Variants in GTPBP10 observed in about 807,000 individuals in gnomAD.
The protein encoded by GTPBP10 is GTP-binding protein 10.
Under a neutral mutation model 44.8 loss-of-function variants are expected in GTPBP10, and 38 were observed. The observed-to-expected ratio is 0.85, with a 90% CI of 0.65 to 1.11. The LOEUF (loss-of-function observed/expected upper bound fraction) is 1.11, where lower values mean the gene tolerates loss of function less well. Among genes scored for constraint, GTPBP10 ranks in the 50% most tolerant of loss-of-function variants. The probability of loss-of-function intolerance (pLI) is 0.00; values close to 1 mark genes in which losing one functional copy is unlikely to be tolerated. For synonymous variants in GTPBP10, 152 were observed against 150.6 expected, an observed-to-expected ratio of 1.01 and a Z score of -0.07; for missense variants, 462 against 453.7, an observed-to-expected ratio of 1.02 and a Z score of -0.17.
chr7:90,385,177 G>A lies in GTPBP10; in HGVS notation c.*23G>A, dbSNP rs373738415. The A allele has an allele frequency of 6.6e-7, 1 of 1,516,400 alleles. No individual in the cohort carries two copies. Among genetic ancestry groups the A allele is most frequent in the Non-Finnish European group, 9.0e-7 (1 of 1,112,696 alleles). The allele number at this position is 1,516,400 out of a possible 1,614,324, so 93.9% of individuals were successfully genotyped here. On this transcript the variant is annotated 3_prime_UTR_variant, in exon 10 of 10. Transcript: ENST00000222511. ...TAAATATATTAAAAATGGTATTGAT[G>A]GAACAGTATTTAATGCTTAAAAACA...
rs975043446 is a variant in GTPBP10, at chr7:90,388,637, G to C, written c.*3483G>C. 2.0e-5 allele frequency: 3 copies of C among 152,032 alleles called. No individual in the cohort carries two copies. The highest frequency in any genetic ancestry group is 2.0e-4 in the Admixed American group (3 of 15,250). The allele number at this position is 152,032 out of a possible 1,614,324, so 9.4% of individuals were successfully genotyped here. ...TATTAGTTACATAATCAGGAAAAAA[G>C]TCATCTTTTATAATGAGAAAAATTA... On this transcript the variant is annotated 3_prime_UTR_variant, in exon 10 of 10. Coordinates refer to ENST00000222511, the MANE Select transcript of GTPBP10 (RefSeq NM_033107.4).
rs143735578 is a variant in GTPBP10 at position 90,360,700 on chromosome 7, C to A, written c.464+5470C>A. Among the ~76,000 whole-genome samples the A allele has an allele frequency of 8.0e-4, 121 of 152,186 alleles. 2 individuals are homozygous for A. The East Asian group carries it at 0.017, about 21-fold the overall frequency. On this transcript the variant is annotated intron_variant, in intron 4 of 9. Transcript: ENST00000222511. The stretch of plus-strand genomic sequence containing the variant: ...GAAAGTCATTGGTAGCTTGATGGGG[C>A]TGGCATTGAATCTATAAATTACCTT...
chr7:90,382,855 A>G, intron 8 of GTPBP10, 101 bp from the exon 9 acceptor site: 1 of 660,702 alleles, frequency 1.5e-6, no homozygotes, highest in Non-Finnish European at 2.4e-6. Flanking sequence ...CATTTCGGTG[A>G]TGTGAATGGG....
intron 1 of GTPBP10, chr7:90,347,636 A>G (rs970640685): frequency 4.6e-6 from 1 of 216,940 alleles, no homozygotes; most frequent in Non-Finnish European, 7.9e-6. Context: ...TCCTTTACCT[A>G]CAAGAAGTTC....
chr7:90,348,182 C>G (rs1005278786), intron 1 of GTPBP10, among the ~76,000 whole-genome samples: 7 of 152,156 alleles, frequency 4.6e-5, no homozygotes, highest in Non-Finnish European at 8.8e-5. Flanking sequence ...AGTGCCACGG[C>G]ACTCGAGCCC....
chr7:90,360,087 G>A (rs552201654), intron 4 of GTPBP10, among the ~76,000 whole-genome samples: 1 of 152,108 alleles, frequency 6.6e-6, no homozygotes, highest in South Asian at 2.1e-4. Context: ...CATTCTGTAG[G>A]TTGCCTGTTC....
In GTPBP10 at chr7:90,390,650, T is replaced by C. The variant is rs773311974; in HGVS notation, c.*5496T>C. On this transcript the variant is annotated 3_prime_UTR_variant, in exon 10 of 10. Transcript: ENST00000222511. ...GCGAGCAATATATGGCATGATAGTA[T>C]TTTCTTATCTAAATTCTGAGTGCAT... 22 of 152,148 alleles carry C rather than the reference T, an allele frequency of 1.4e-4. No homozygotes were observed. Among genetic ancestry groups the C allele is most frequent in the Admixed American group, 5.9e-4 (9 of 15,272 alleles). 9.4% of individuals were successfully genotyped at this position (152,148 alleles called of 1,614,324 possible). A position where few individuals can be genotyped will look rare whatever the true frequency, so the allele number is the denominator to read the frequency against.
intron 9 of GTPBP10, among the ~76,000 whole-genome samples, chr7:90,384,199 G>C (rs184032865): frequency 4.5e-4 from 68 of 152,254 alleles, no homozygotes; most frequent in Non-Finnish European, 7.2e-4. Context: ...CGGGGCTTTT[G>C]AATCTCAGAA....
At chr7:90,361,874 G>A (rs548127349) in intron 4 of GTPBP10, among the ~76,000 whole-genome samples, 167 of 152,170 alleles carry the variant, frequency 1.1e-3, no homozygotes, top group African/African-American at 3.8e-3. Context: ...TATATGTGTC[G>A]AGGAATTTAT....
chr7:90,383,261 T>G (rs1796463459), intron 9 of GTPBP10, among the ~76,000 whole-genome samples, 182 bp downstream of exon 9: 2 of 152,154 alleles, frequency 1.3e-5, no homozygotes, highest in Admixed American at 1.3e-4. Context: ...ATGTTTGATA[T>G]GGACAGTAAA....
intron 6 of GTPBP10, among the ~76,000 whole-genome samples, chr7:90,376,516 A>C (rs1796346902): frequency 6.6e-6 from 1 of 152,184 alleles, no homozygotes; most frequent in Admixed American, 6.5e-5. Context: ...GAACTTCTAG[A>C]TGATAGAACT....
Position 90,371,273 on chromosome 7 carries a change from C to T in GTPBP10, c.465-882C>T, listed in dbSNP as rs182664889. 406 of 531,224 alleles carry T rather than the reference C, an allele frequency of 7.6e-4. 9 individuals carry two copies. The highest frequency in any genetic ancestry group is 6.3e-5 in the Non-Finnish European group (26 of 415,206). 32.9% of individuals were successfully genotyped at this position (531,224 alleles called of 1,614,324 possible). On this transcript the variant is annotated intron_variant, in intron 4 of 9. Transcript: ENST00000222511. ...GTTTAGAGTGAAAAATTGTAGACAACCTGAAAGTCTGTCAATAGGAAATTA... is the reference window on the plus strand; with the variant it reads ...GTTTAGAGTGAAAAATTGTAGACAATCTGAAAGTCTGTCAATAGGAAATTA...
chr7:90,364,250 TC>T (rs1288713223), intron 4 of GTPBP10, among the ~76,000 whole-genome samples: 1 of 152,194 alleles, frequency 6.6e-6, no homozygotes, highest in Non-Finnish European at 1.5e-5. Flanking sequence ...TCTGTTTTTT[TC>T]CCCATCTTTG....
chr7:90,350,297 T>C (rs1795765200), intron 1 of GTPBP10, among the ~76,000 whole-genome samples: 1 of 152,224 alleles, frequency 6.6e-6, no homozygotes, highest in Non-Finnish European at 1.5e-5. Flanking sequence ...TAATCCAGTC[T>C]ATCATTGATG....
intron 4 of GTPBP10, among the ~76,000 whole-genome samples, chr7:90,361,836 A>G (rs1008096453): frequency 6.6e-6 from 1 of 152,132 alleles, no homozygotes. Context: ...CAGGAATGCA[A>G]CTTCTTCCTG....
intron 6 of GTPBP10, among the ~76,000 whole-genome samples, chr7:90,376,070 CA>C (rs368737563): frequency 2.6e-3 from 340 of 129,264 alleles, no homozygotes; most frequent in Admixed American, 5.4e-3. Flanking sequence ...ACTAAAAATA[CA>C]AAAAAAAAAA....
At chr7:90,371,686 A>G (rs1421784010) in intron 4 of GTPBP10, among the ~76,000 whole-genome samples, 5 of 152,218 alleles carry the variant, frequency 3.3e-5, no homozygotes, top group South Asian at 2.1e-4. Context: ...TTTAAGAAGT[A>G]TATTGCCAAT....
intron 4 of GTPBP10, among the ~76,000 whole-genome samples, chr7:90,365,836 T>C (rs1370389229): frequency 6.6e-6 from 1 of 152,242 alleles, no homozygotes. Context: ...CATCCCTGTC[T>C]TGTGCCAGTT....
intron 4 of GTPBP10, among the ~76,000 whole-genome samples, chr7:90,355,984 C>G (rs547298723): frequency 6.6e-6 from 1 of 150,504 alleles, no homozygotes; most frequent in Non-Finnish European, 1.5e-5. Flanking sequence ...TCCTCTCCCT[C>G]TGGCCCTATC....
Sources: allele counts gnomAD v4.1 joint callset (sites outside exome capture counted in the v4.1 genomes callset), GRCh38; gene constraint gnomAD v4.1.1; transcripts MANE v1.5; gene names NCBI Gene and HGNC (gene_info 2026-07-23, HGNC 2026-07-21).